SHROOM4: variants seen among roughly 807,000 people sequenced by gnomAD.
The protein encoded by SHROOM4 is shroom family member 4.
Under a neutral mutation model 80.3 loss-of-function variants are expected in SHROOM4, and 17 were observed. The ratio of observed to expected loss-of-function variants is 0.21; its 90% CI spans 0.14 to 0.32. The LOEUF (loss-of-function observed/expected upper bound fraction) is 0.32. Among genes scored for constraint, SHROOM4 ranks in the 10% least tolerant of loss-of-function variants. SHROOM4 has a pLI of 1.00. For synonymous variants in SHROOM4, 400 were observed against 437.5 expected (o/e 0.91, Z 1.07); for missense variants, 993 against 1,140.3 (o/e 0.87, Z 1.86).
rs976887041 is a variant in SHROOM4 at position 50,805,228 on chromosome X, C to G, written c.117+8674G>C. Among the ~76,000 whole-genome samples the G allele has an allele frequency of 4.5e-5, 5 of 111,628 alleles. No individual in the cohort carries two copies. In the Admixed American group the frequency reaches 4.8e-4, roughly 11 times the overall value. ...TCCTTTCCAGAATAACTAGTCAAAC[C>G]AGCTTTACTTCTAGCTCTACCTCAT... On this transcript the variant is annotated intron_variant, in intron 1 of 8. Coordinates refer to ENST00000376020, the MANE Select transcript of SHROOM4 (RefSeq NM_020717.5).
chrX:50,652,713 T>C (rs1363153905), intron 2 of SHROOM4, among the ~76,000 whole-genome samples: 1 of 112,238 alleles, frequency 8.9e-6, no homozygotes, highest in Non-Finnish European at 1.9e-5. Context: ...AGGTCTAACA[T>C]TTAAGTCTTT....
At chrX:50,692,981 G>A (rs1933259773) in intron 2 of SHROOM4, among the ~76,000 whole-genome samples, 1 of 111,946 alleles carries the variant, frequency 8.9e-6, no homozygotes, top group Non-Finnish European at 1.9e-5. Context: ...GGGAGAAGAT[G>A]ATGATGTGTT....
chrX:50,606,427 A>C (rs1403403775), intron 6 of SHROOM4, among the ~76,000 whole-genome samples: 4 of 110,327 alleles, frequency 3.6e-5, no homozygotes, highest in African/African-American at 1.3e-4. Context: ...CTATAAAGAG[A>C]GTTAAGGAAA....
At chrX:50,585,865 T>TA (rs386416993), downstream of SHROOM4, among the ~76,000 whole-genome samples, 1 of 110,583 alleles carries the variant, frequency 9.0e-6, no homozygotes, top group African/African-American at 3.3e-5. Context: ...TGGATTTTTT[T>TA]TTATAAAAGA....
At position 50,607,978 on chromosome X, in the gene SHROOM4, C is replaced by T. The variant is rs782252774; in HGVS notation, c.3164G>A (p.Ser1055Asn). 3 of 1,212,094 alleles carry T rather than the reference C, an allele frequency of 2.5e-6. No individual in the cohort carries two copies. Among genetic ancestry groups the T allele is most frequent in the Non-Finnish European group, 2.2e-6 (2 of 895,623 alleles). ...SLASMPHPLR[S>N]RAFSESHISL... Reference sequence around the variant, plus strand: ...GATGTGACTCTCTGAGAAGGCACGGCTGCGCAGTGGGTGGGGCATGGAGGC... The same window carrying T: ...GATGTGACTCTCTGAGAAGGCACGGTTGCGCAGTGGGTGGGGCATGGAGGC... The change falls in exon 6 of 9, where the codon AGC (serine) becomes AAC (asparagine). Residue 1055 changes from serine (S) to asparagine (N), a missense_variant. Ser to Asn is a conservative substitution (Grantham distance 46). Coordinates refer to ENST00000376020, the MANE Select transcript of SHROOM4 (RefSeq NM_020717.5).
chrX:50,757,407 G>T (rs1381728502), intron 1 of SHROOM4, among the ~76,000 whole-genome samples: 2 of 111,792 alleles, frequency 1.8e-5, no homozygotes, highest in Non-Finnish European at 3.8e-5. Flanking sequence ...CATAAATTTT[G>T]AAATTGGCCA....
chrX:50,579,455 T>C, the SHROOM4 span, among the ~76,000 whole-genome samples: 1 of 111,823 alleles, frequency 8.9e-6, no homozygotes, highest in Non-Finnish European at 1.9e-5. Context: ...AAGACTTCTG[T>C]CTTTGTATTT....
intron 2 of SHROOM4, among the ~76,000 whole-genome samples, chrX:50,656,455 T>G (rs111669658): frequency 0.016 from 1,792 of 112,011 alleles, 40 homozygotes; most frequent in African/African-American, 0.055. Flanking sequence ...AGAGTCCAAT[T>G]TCATTCCGCA....
intron 6 of SHROOM4, among the ~76,000 whole-genome samples, chrX:50,604,470 G>C (rs1446022512): frequency 8.9e-6 from 1 of 111,734 alleles, no homozygotes; most frequent in Non-Finnish European, 1.9e-5. Context: ...GGGACAACTT[G>C]AGATCATATA....
chrX:50,665,647 G>T (rs1395746927), intron 2 of SHROOM4, among the ~76,000 whole-genome samples: 1 of 109,990 alleles, frequency 9.1e-6, no homozygotes, highest in Non-Finnish European at 1.9e-5. Flanking sequence ...CAGTGGACAT[G>T]TCAGTTACTT....
chrX:50,607,660 G>A lies in SHROOM4; in HGVS notation c.3482C>T (p.Pro1161Leu), dbSNP rs1003555453. The A allele has an allele frequency of 1.2e-5, 14 of 1,204,406 alleles. No individual in the cohort carries two copies. Among genetic ancestry groups the A allele is most frequent in the Non-Finnish European group, 1.6e-5 (14 of 892,269 alleles). Residue 1161 changes from proline (P) to leucine (L), a missense_variant, in exon 6 of 9, where the codon CCC becomes CTC. Physicochemically the swap from Pro to Leu is moderately conservative, Grantham distance 98 (BLOSUM62 -3). Transcript: ENST00000376020. ...EAEEEEEELP[P>L]QYFSSETSGS... ...AGAGGTTTCTGAACTGAAATACTGG[G>A]GTGGCAGCTCCTCTTCCTCCTCCTC...
intron 2 of SHROOM4, among the ~76,000 whole-genome samples, chrX:50,695,021 G>A (rs1270288438): frequency 1.8e-5 from 2 of 111,275 alleles, no homozygotes; most frequent in Non-Finnish European, 1.9e-5. Flanking sequence ...GAAAAGCCAT[G>A]TGGAAAGTTC....
chrX:50,632,297 T>C (rs1301501404), intron 4 of SHROOM4, among the ~76,000 whole-genome samples: 2 of 112,325 alleles, frequency 1.8e-5, no homozygotes, highest in Non-Finnish European at 3.8e-5. Flanking sequence ...ACCAAGGATA[T>C]ATATTGAGCA....
chrX:50,741,154 G>A (rs1934646133), intron 1 of SHROOM4, among the ~76,000 whole-genome samples: 1 of 111,363 alleles, frequency 9.0e-6, no homozygotes, highest in African/African-American at 3.3e-5. Flanking sequence ...CCATGTGTCT[G>A]TTTTTATGCC....
At position 50,715,939 on chromosome X, in the gene SHROOM4, A is replaced by G. The variant is rs141879387; in HGVS notation, c.118-20002T>C. On this transcript the variant is annotated intron_variant, in intron 1 of 8. Transcript: ENST00000376020. ...CATGTTCATGGTAGCATTATTCACA[A>G]TAGCCAAGATACTAAATGTCCATTA... Among the ~76,000 whole-genome samples the G allele has an allele frequency of 8.8e-4, 98 of 110,938 alleles. No individual in the cohort carries two copies. In the East Asian group the frequency reaches 0.016, roughly 18 times the overall value.
At chrX:50,577,923 C>T in the SHROOM4 span, among the ~76,000 whole-genome samples, 2 of 111,817 alleles carry the variant, frequency 1.8e-5, no homozygotes, top group African/African-American at 6.5e-5. Context: ...CTGCTTCTTT[C>T]AAACAAGTTT....
intron 5 of SHROOM4, among the ~76,000 whole-genome samples, chrX:50,616,560 T>C (rs1930245716): frequency 8.9e-6 from 1 of 112,012 alleles, no homozygotes; most frequent in South Asian, 3.8e-4. Flanking sequence ...GATCCAACTT[T>C]CATTGGAAAC....
At chrX:50,744,267 T>C (rs1273577316) in intron 1 of SHROOM4, among the ~76,000 whole-genome samples, 2 of 111,844 alleles carry the variant, frequency 1.8e-5, no homozygotes, top group African/African-American at 3.2e-5. Context: ...CCCACACATA[T>C]ATGAAGCTCT....
intron 2 of SHROOM4, among the ~76,000 whole-genome samples, chrX:50,640,011 G>C (rs1360875713): frequency 9.0e-6 from 1 of 111,404 alleles, no homozygotes; most frequent in African/African-American, 3.3e-5. Flanking sequence ...TGCCCAGAGT[G>C]GGGGCTGAAG....
Sources: allele counts gnomAD v4.1 joint callset (sites outside exome capture counted in the v4.1 genomes callset), GRCh38; gene constraint gnomAD v4.1.1; transcripts MANE v1.5; gene names NCBI Gene and HGNC (gene_info 2026-07-23, HGNC 2026-07-21).